DOCK1: variants seen among roughly 807,000 people sequenced by gnomAD.
DOCK1 encodes dedicator of cytokinesis protein 1.
Under a neutral mutation model 262.7 loss-of-function variants are expected in DOCK1, and 138 were observed. The observed-to-expected ratio is 0.53, with a 90% CI of 0.46 to 0.61. DOCK1 has a LOEUF of 0.61. Among genes scored for constraint, DOCK1 ranks in the 20% least tolerant of loss-of-function variants. DOCK1 has a pLI of 0.00. For synonymous variants in DOCK1, 866 were observed against 867.4 expected (o/e 1.00, Z 0.03); for missense variants, 1,908 against 2,370.7 (o/e 0.80, Z 4.05).
intron 31 of DOCK1, among the ~76,000 whole-genome samples, chr10:127,345,269 TG>T (rs2063581091): frequency 6.6e-6 from 1 of 152,244 alleles, no homozygotes; most frequent in African/African-American, 2.4e-5. Flanking sequence ...AAGCATTTCA[TG>T]TGCATTTTTC....
rs979430655 is a variant in DOCK1 at position 127,050,815 on chromosome 10, T to C, written c.2202-1866T>C. The stretch of plus-strand genomic sequence containing the variant: ...TATTTAATTTTCATGTGTTTATTAA[T>C]GAAGTTGATTAATATATTTCTAGAT... On this transcript the variant is annotated intron_variant, in intron 21 of 51. Transcript: ENST00000623213. 2.6e-5 allele frequency among the ~76,000 whole-genome samples: 4 copies of C among 152,362 alleles called. No individual in the cohort carries two copies. The Middle Eastern group carries it at 0.01, about 389-fold the overall frequency.
chr10:127,119,376 T>A (rs1034826224), intron 25 of DOCK1, among the ~76,000 whole-genome samples: 17 of 152,154 alleles, frequency 1.1e-4, no homozygotes, highest in African/African-American at 4.1e-4. Context: ...CTGACTCCGA[T>A]GGTGCGTAGA....
At chr10:127,392,675 T>C (rs114019608) in intron 38 of DOCK1, among the ~76,000 whole-genome samples, 1,553 of 152,268 alleles carry the variant, frequency 0.01, 26 homozygotes, top group African/African-American at 0.035. Flanking sequence ...ATATTTTGTT[T>C]GTTAACGGAT....
At chr10:126,913,831 G>A (rs1045241610) in intron 1 of DOCK1, among the ~76,000 whole-genome samples, 1 of 152,170 alleles carries the variant, frequency 6.6e-6, no homozygotes, top group African/African-American at 2.4e-5. Context: ...CAGGTTAGGG[G>A]TCATAGAGAT....
intron 25 of DOCK1, among the ~76,000 whole-genome samples, chr10:127,119,404 C>T (rs796682764): frequency 1.3e-4 from 20 of 152,268 alleles, no homozygotes; most frequent in African/African-American, 4.8e-4. Context: ...TCCTGAAGGT[C>T]CCTTCACTCA....
At chr10:127,076,239 T>C (rs200568450) in intron 23 of DOCK1, among the ~76,000 whole-genome samples, 54 of 152,260 alleles carry the variant, frequency 3.5e-4, no homozygotes, top group East Asian at 1.2e-3. Context: ...CGGTGGCTCG[T>C]GCCTGTAATC....
At chr10:127,140,083 C>T (rs920439297) in intron 27 of DOCK1, among the ~76,000 whole-genome samples, 3 of 152,100 alleles carry the variant, frequency 2.0e-5, no homozygotes, top group Admixed American at 6.5e-5. Context: ...AGATCGTAAC[C>T]GTTTCAACAG....
chr10:127,354,417 TCTCCACAAGTTC>T (rs1021817506), intron 31 of DOCK1, among the ~76,000 whole-genome samples: 1 of 152,186 alleles, frequency 6.6e-6, no homozygotes, highest in Non-Finnish European at 1.5e-5. Flanking sequence ...CTTTCATGAC[TCTCCACAAGTTC>T]CTCCACGTTC....
intron 33 of DOCK1, among the ~76,000 whole-genome samples, chr10:127,370,759 T>C (rs2065164695): frequency 6.6e-6 from 1 of 152,190 alleles, no homozygotes; most frequent in Non-Finnish European, 1.5e-5. Flanking sequence ...GTCACGTCAA[T>C]TTAACAGCAA....
chr10:127,397,702 A>G (rs958468612), intron 38 of DOCK1, among the ~76,000 whole-genome samples: 1 of 150,736 alleles, frequency 6.6e-6, no homozygotes, highest in Non-Finnish European at 1.5e-5. Flanking sequence ...TAGCTCCTCT[A>G]TGACCCGGGC....
chr10:127,349,307 C>T (rs1369542536), intron 31 of DOCK1, among the ~76,000 whole-genome samples: 2 of 152,108 alleles, frequency 1.3e-5, no homozygotes. Context: ...ATTCAGCTCC[C>T]TAGATGTTCT....
intron 10 of DOCK1, among the ~76,000 whole-genome samples, chr10:127,005,555 G>A (rs1042723049): frequency 2.6e-5 from 4 of 151,956 alleles, no homozygotes; most frequent in East Asian, 1.9e-4. Context: ...CTTAGTCTTC[G>A]GTTGAAAAGA....
chr10:127,247,132 A>G (rs1471457530), intron 27 of DOCK1, among the ~76,000 whole-genome samples: 1 of 152,178 alleles, frequency 6.6e-6, no homozygotes, highest in East Asian at 1.9e-4. Flanking sequence ...CACGCAAACA[A>G]ACGTGTGCAC....
At chr10:127,033,651 A>G (rs1435402039) in intron 18 of DOCK1, among the ~76,000 whole-genome samples, 1 of 152,206 alleles carries the variant, frequency 6.6e-6, no homozygotes, top group African/African-American at 2.4e-5. Context: ...TTGTCCGTAA[A>G]TCATGGCAGT....
chr10:127,271,825 G>C (rs2060578921), intron 29 of DOCK1, among the ~76,000 whole-genome samples: 1 of 152,224 alleles, frequency 6.6e-6, no homozygotes, highest in African/African-American at 2.4e-5. Flanking sequence ...TCATTTTGGA[G>C]AATAAAAGGC....
intron 5 of DOCK1, 130 bp downstream of exon 5, chr10:126,987,747 C>A: frequency 1.1e-6 from 1 of 883,368 alleles, no homozygotes; most frequent in Non-Finnish European, 1.7e-6. Flanking sequence ...GAGTTTTACT[C>A]GGAATTGGCA....
intron 2 of DOCK1, among the ~76,000 whole-genome samples, chr10:126,977,144 A>G (rs1408724564): frequency 2.0e-5 from 3 of 152,176 alleles, no homozygotes. Context: ...GGGTGCTTGG[A>G]GGCTGGATAC....
intron 27 of DOCK1, among the ~76,000 whole-genome samples, chr10:127,181,028 C>G (rs932858434): frequency 2.0e-5 from 3 of 152,046 alleles, no homozygotes; most frequent in African/African-American, 7.2e-5. Flanking sequence ...AAGCAGGCCT[C>G]TGGAAGGCAT....
At position 127,012,825 on chromosome 10, in the gene DOCK1, A is replaced by G. The variant is rs1195818451; in HGVS notation, c.1201+451A>G. ...TCACTGTTTTTAATCCTGCACTGACACGTTTCTGAGCAGCTGACCTGCTGC... is the reference window on the plus strand; with the variant it reads ...TCACTGTTTTTAATCCTGCACTGACGCGTTTCTGAGCAGCTGACCTGCTGC... On this transcript the variant is annotated intron_variant, in intron 12 of 51. Coordinates refer to ENST00000623213, the MANE Select transcript of DOCK1 (RefSeq NM_001290223.2). The surrounding 1 kb of genome is among the most constrained non-coding windows in gnomAD (Gnocchi z 4.0). 1.3e-5 allele frequency among the ~76,000 whole-genome samples: 2 copies of G among 152,156 alleles called. No individual in the cohort carries two copies. Among genetic ancestry groups the G allele is most frequent in the Admixed American group, 1.3e-4 (2 of 15,282 alleles).
Sources: gnomAD v4.1 joint callset for allele counts (sites outside exome capture counted in the v4.1 genomes callset) on GRCh38, gnomAD v4.1.1 for gene constraint, Gnocchi (gnomAD v3.1) non-coding constraint, MANE v1.5 for transcripts, NCBI Gene and HGNC (gene_info 2026-07-23, HGNC 2026-07-21) for gene names.